GPR158: variants seen among roughly 807,000 people sequenced by gnomAD.
The protein encoded by GPR158 is G protein-coupled receptor 158.
GPR158 carries 30 observed loss-of-function variants against 78.2 expected under a neutral mutation model. The ratio of observed to expected loss-of-function variants is 0.38; its 90% CI spans 0.29 to 0.52. GPR158 has a LOEUF of 0.52. GPR158 is among the 20% of genes least tolerant of loss of function. The pLI, the probability that GPR158 is intolerant of heterozygous loss-of-function variation, is 0.83. For synonymous variants in GPR158, 581 were observed against 591.1 expected, an observed-to-expected ratio of 0.98 and a Z score of 0.25; for missense variants, 1,463 against 1,523.5, an observed-to-expected ratio of 0.96 and a Z score of 0.66.
At chr10:25,431,408 G>T (rs1040879977) in intron 4 of GPR158, among the ~76,000 whole-genome samples, 13 of 147,240 alleles carry the variant, frequency 8.8e-5, no homozygotes, top group African/African-American at 3.3e-4. Flanking sequence ...TACACTGTTG[G>T]TGGGACTGTA....
chr10:25,338,831 C>A lies in GPR158; in HGVS notation c.1009-57080C>A, dbSNP rs550273321. Among the ~76,000 whole-genome samples, 5 of 151,132 alleles carry A rather than the reference C, an allele frequency of 3.3e-5. No homozygotes were observed. The East Asian group carries it at 9.7e-4, about 29-fold the overall frequency. Reference sequence around the variant, plus strand: ...GCCTGCTGGAATTTTGATTGGATTGCATTTAATCTATACAATAATGTGGAG... The same window carrying A: ...GCCTGCTGGAATTTTGATTGGATTGAATTTAATCTATACAATAATGTGGAG... On this transcript the variant is annotated intron_variant, in intron 2 of 10. Coordinates refer to ENST00000376351, the MANE Select transcript of GPR158 (RefSeq NM_020752.3).
At chr10:25,313,064 T>C (rs7896125) in intron 2 of GPR158, among the ~76,000 whole-genome samples, 30,742 of 151,874 alleles carry the variant, frequency 0.2, 5,267 homozygotes, top group African/African-American at 0.47. Context: ...ATTATTAATA[T>C]ATTTTTCTTC....
At position 25,178,883 on chromosome 10, in the gene GPR158, T is replaced by G. The variant is rs185373326; in HGVS notation, c.902+2561T>G. On this transcript the variant is annotated intron_variant, in intron 1 of 10. Coordinates refer to ENST00000376351, the MANE Select transcript of GPR158 (RefSeq NM_020752.3). ...ATCAAGTTTGTAGCAACAACAGAAATGGGATCCAGGCCTTCTGCCTCTGGT... is the reference window on the plus strand; with the variant it reads ...ATCAAGTTTGTAGCAACAACAGAAAGGGGATCCAGGCCTTCTGCCTCTGGT... Among the ~76,000 whole-genome samples, 537 of 152,318 alleles carry G rather than the reference T, an allele frequency of 3.5e-3. 4 individuals carry two copies. Among genetic ancestry groups the G allele is most frequent in the African/African-American group, 0.012 (504 of 41,574 alleles).
chr10:25,362,565 T>A (rs939127390), intron 2 of GPR158, among the ~76,000 whole-genome samples: 3 of 151,898 alleles, frequency 2.0e-5, no homozygotes, highest in Non-Finnish European at 2.9e-5. Flanking sequence ...TAATGTTAAT[T>A]TTTCAATCCA....
chr10:25,372,863 TA>T (rs1834019776), intron 2 of GPR158, among the ~76,000 whole-genome samples: 1 of 149,472 alleles, frequency 6.7e-6, no homozygotes, highest in African/African-American at 2.5e-5. Context: ...AATAATAAAA[TA>T]AATAAATAAA....
chr10:25,273,043 G>C (rs1439267401), intron 2 of GPR158, among the ~76,000 whole-genome samples: 1 of 152,040 alleles, frequency 6.6e-6, no homozygotes, highest in Non-Finnish European at 1.5e-5. Context: ...GTGGCACCTG[G>C]GACTATAATC....
At chr10:25,523,922 A>G (rs1371028458) in intron 5 of GPR158, among the ~76,000 whole-genome samples, 1 of 152,184 alleles carries the variant, frequency 6.6e-6, no homozygotes, top group Admixed American at 6.5e-5. Context: ...GATCTTATAG[A>G]GAGAAAACTC....
Position 25,189,998 on chromosome 10 carries a change from C to T in GPR158, c.902+13676C>T, listed in dbSNP as rs183317100. 9.9e-5 allele frequency among the ~76,000 whole-genome samples: 15 copies of T among 151,612 alleles called. No homozygotes were observed. The East Asian group carries it at 2.7e-3, about 27-fold the overall frequency. ...AAACAATTAGCAATCTGTCATCCTG[C>T]GGAATATTGCCTTATTTTTACATGA... On this transcript the variant is annotated intron_variant, in intron 1 of 10. Transcript: ENST00000376351.
chr10:25,230,326 C>G (rs1853431002), intron 2 of GPR158, among the ~76,000 whole-genome samples: 3 of 152,122 alleles, frequency 2.0e-5, no homozygotes. Flanking sequence ...GGTGTGGCTG[C>G]AGAACCATAG....
intron 1 of GPR158, among the ~76,000 whole-genome samples, chr10:25,204,299 G>A (rs1852983002): frequency 6.6e-6 from 1 of 152,188 alleles, no homozygotes; most frequent in South Asian, 2.1e-4. Context: ...CGTTGAATAG[G>A]AGTGTTGAGA....
At chr10:25,268,351 T>C (rs1207014091) in intron 2 of GPR158, among the ~76,000 whole-genome samples, 1 of 152,140 alleles carries the variant, frequency 6.6e-6, no homozygotes, top group East Asian at 1.9e-4. Context: ...CTTTAGTATA[T>C]CTGTGAAGTC....
chr10:25,261,406 A>G (rs896583452), intron 2 of GPR158, among the ~76,000 whole-genome samples: 13 of 152,162 alleles, frequency 8.5e-5, no homozygotes, highest in African/African-American at 2.7e-4. Flanking sequence ...TACTATACCT[A>G]TGGTCAACTA....
chr10:25,581,460 A>G (rs1383623876), intron 7 of GPR158, among the ~76,000 whole-genome samples: 2 of 152,216 alleles, frequency 1.3e-5, no homozygotes, highest in Admixed American at 6.5e-5. Context: ...TTCTGAAAGC[A>G]CTTGCTTGAG....
chr10:25,455,599 A>G (rs924621250), intron 4 of GPR158, among the ~76,000 whole-genome samples: 5 of 152,206 alleles, frequency 3.3e-5, no homozygotes, highest in South Asian at 2.1e-4. Context: ...AACATCCATC[A>G]GTTAATGTGA....
At chr10:25,494,715 C>A (rs1835855588) in intron 5 of GPR158, among the ~76,000 whole-genome samples, 1 of 152,026 alleles carries the variant, frequency 6.6e-6, no homozygotes, top group Admixed American at 6.6e-5. Flanking sequence ...CACTCCACAG[C>A]AAAGTTCTTT....
At chr10:25,423,540 C>T (rs536033265) in intron 4 of GPR158, among the ~76,000 whole-genome samples, 1 of 152,058 alleles carries the variant, frequency 6.6e-6, no homozygotes, top group South Asian at 2.1e-4. Flanking sequence ...TCCCCCATGC[C>T]CCAACCTATG....
chr10:25,204,668 A>G (rs1448041699), intron 1 of GPR158, among the ~76,000 whole-genome samples: 1 of 152,096 alleles, frequency 6.6e-6, no homozygotes, highest in Admixed American at 6.6e-5. Context: ...TATTTTATTG[A>G]GGATTTTTGC....
chr10:25,523,370 C>A (rs149425308), intron 5 of GPR158, among the ~76,000 whole-genome samples: 13 of 152,302 alleles, frequency 8.5e-5, no homozygotes, highest in African/African-American at 3.1e-4. Flanking sequence ...GCTAGGAATG[C>A]GACATGAGTA....
chr10:25,281,502 C>CAGGAGGTCA (rs1346357166), intron 2 of GPR158, among the ~76,000 whole-genome samples: 1 of 151,508 alleles, frequency 6.6e-6, no homozygotes, highest in Non-Finnish European at 1.5e-5. Flanking sequence ...TGCTTGAACC[C>CAGGAGGTCA]AGGAGGTCAA....
Sources: allele counts gnomAD v4.1 joint callset (sites outside exome capture counted in the v4.1 genomes callset), GRCh38; gene constraint gnomAD v4.1.1; transcripts MANE v1.5; gene names NCBI Gene and HGNC (gene_info 2026-07-23, HGNC 2026-07-21).